The following FAM168A variants were observed in gnomAD, a reference collection of about 807,000 sequenced individuals.
FAM168A encodes the protein family with sequence similarity 168 member A, also known as protein FAM168A.
A neutral mutation model predicts 28.5 loss-of-function variants in FAM168A; 3 were observed. That is an observed-to-expected ratio of 0.11 (90% CI 0.05 to 0.27). The LOEUF (loss-of-function observed/expected upper bound fraction) is 0.27, where lower values mean the gene tolerates loss of function less well. Among genes scored for constraint, FAM168A ranks in the 10% least tolerant of loss-of-function variants. The probability of loss-of-function intolerance (pLI) is 1.00; values close to 1 mark genes in which losing one functional copy is unlikely to be tolerated. For synonymous variants in FAM168A, 122 were observed against 124.2 expected (o/e 0.98, Z 0.12); for missense variants, 222 against 311.5 (o/e 0.71, Z 2.16).
chr11:73,534,603 ATGT>A (rs1031330878), intron 1 of FAM168A, among the ~76,000 whole-genome samples: 24 of 152,018 alleles, frequency 1.6e-4, no homozygotes, highest in African/African-American at 5.5e-4. Flanking sequence ...GGGTTTCGTC[ATGT>A]TGGCCAGGCT....
intron 1 of FAM168A, among the ~76,000 whole-genome samples, chr11:73,470,123 G>A (rs1322791274): frequency 2.0e-5 from 3 of 152,062 alleles, no homozygotes; most frequent in Non-Finnish European, 4.4e-5. Flanking sequence ...TGTTAGCCAG[G>A]ATGGTCTCGA....
At chr11:73,413,169 T>A (rs1866642724) in intron 4 of FAM168A, among the ~76,000 whole-genome samples, 2 of 152,236 alleles carry the variant, frequency 1.3e-5, no homozygotes, top group South Asian at 4.1e-4. Flanking sequence ...AGCACCCCCC[T>A]GCCCCTGATG....
chr11:73,590,827 TACTACCTGTCTAAATAGGTTGAAG>T (rs1456053210), intron 1 of FAM168A, among the ~76,000 whole-genome samples: 2 of 152,170 alleles, frequency 1.3e-5, no homozygotes, highest in East Asian at 3.9e-4. Flanking sequence ...AGTAGCCAGA[TACTACCTGTCTAAATAGGTTGAAG>T]ACTACTGATT....
At chr11:73,413,405 C>G (rs979888639) in intron 4 of FAM168A, among the ~76,000 whole-genome samples, 1 of 152,160 alleles carries the variant, frequency 6.6e-6, no homozygotes, top group African/African-American at 2.4e-5. Flanking sequence ...CAACTATGAG[C>G]TGAGTGAGAA....
At chr11:73,552,229 T>C (rs1943838267) in intron 1 of FAM168A, among the ~76,000 whole-genome samples, 1 of 152,212 alleles carries the variant, frequency 6.6e-6, no homozygotes, top group Non-Finnish European at 1.5e-5. Context: ...CATTTCTTAA[T>C]CTTCCTTAGA....
At chr11:73,590,986 TACAA>T (rs1488497577) in intron 1 of FAM168A, among the ~76,000 whole-genome samples, 5 of 152,082 alleles carry the variant, frequency 3.3e-5, no homozygotes, top group Admixed American at 6.5e-5. Context: ...CTACCAAAAA[TACAA>T]ACAATTAGCC....
At chr11:73,437,588 C>T (rs902615476) in intron 2 of FAM168A, among the ~76,000 whole-genome samples, 1 of 151,950 alleles carries the variant, frequency 6.6e-6, no homozygotes, top group Non-Finnish European at 1.5e-5. Flanking sequence ...AAAGCACCGA[C>T]TGGAGAGCTC....
chr11:73,587,307 A>G (rs1944326638), intron 1 of FAM168A, among the ~76,000 whole-genome samples: 2 of 152,118 alleles, frequency 1.3e-5, no homozygotes, highest in Admixed American at 6.6e-5. Flanking sequence ...CCTGGCTAAC[A>G]TGGCAAAAAC....
chr11:73,591,694 G>A (rs1944383788), intron 1 of FAM168A, among the ~76,000 whole-genome samples: 1 of 152,068 alleles, frequency 6.6e-6, no homozygotes, highest in South Asian at 2.1e-4. Flanking sequence ...GTTTTTTGTA[G>A]AGACTGGATC....
intron 1 of FAM168A, among the ~76,000 whole-genome samples, chr11:73,578,794 T>C (rs1376330895): frequency 6.6e-6 from 1 of 152,232 alleles, no homozygotes; most frequent in Admixed American, 6.5e-5. Context: ...CACACAAACC[T>C]GGATTGAATC....
chr11:73,426,273 A>T (rs1167312691), intron 3 of FAM168A, among the ~76,000 whole-genome samples: 1 of 152,222 alleles, frequency 6.6e-6, no homozygotes, highest in Non-Finnish European at 1.5e-5. Context: ...TTGTGGGGCC[A>T]AAGAGTTCTT....
chr11:73,587,499 A>AC (rs1459955981), intron 1 of FAM168A, among the ~76,000 whole-genome samples: 3 of 152,076 alleles, frequency 2.0e-5, no homozygotes, highest in African/African-American at 4.8e-5. Flanking sequence ...CTCAAAAAAA[A>AC]AAAAAAAGGA....
intron 1 of FAM168A, among the ~76,000 whole-genome samples, chr11:73,493,192 C>CA (rs1260668326): frequency 6.6e-6 from 1 of 150,744 alleles, no homozygotes; most frequent in Admixed American, 6.6e-5. Context: ...AAAAAAATCA[C>CA]AAAGTGAAAA....
intron 3 of FAM168A, among the ~76,000 whole-genome samples, chr11:73,426,657 C>CTG (rs1327011640): frequency 4.1e-4 from 61 of 150,084 alleles, no homozygotes; most frequent in Middle Eastern, 3.4e-3. Context: ...CCAAAATATG[C>CTG]TGTGTGTGTG....
At chr11:73,525,962 A>G (rs532436673) in intron 1 of FAM168A, among the ~76,000 whole-genome samples, 2 of 152,342 alleles carry the variant, frequency 1.3e-5, no homozygotes, top group Admixed American at 1.3e-4. Flanking sequence ...TTTCTTGGAA[A>G]ACTCAGAAAA....
intron 1 of FAM168A, among the ~76,000 whole-genome samples, chr11:73,571,015 T>C (rs1944079932): frequency 6.6e-6 from 1 of 152,086 alleles, no homozygotes; most frequent in African/African-American, 2.4e-5. Flanking sequence ...GAACAACAAC[T>C]ATTCTACTGT....
At chr11:73,552,627 G>T (rs1464860173) in intron 1 of FAM168A, among the ~76,000 whole-genome samples, 2 of 152,162 alleles carry the variant, frequency 1.3e-5, no homozygotes, top group Non-Finnish European at 2.9e-5. Flanking sequence ...TGGCACGAAA[G>T]AGGTACTCAA....
intron 1 of FAM168A, among the ~76,000 whole-genome samples, chr11:73,542,346 C>A (rs909200393): frequency 6.6e-6 from 1 of 152,198 alleles, no homozygotes; most frequent in African/African-American, 2.4e-5. Context: ...TGTTTCCCAA[C>A]TCTATAAGTG....
intron 2 of FAM168A, among the ~76,000 whole-genome samples, chr11:73,461,808 TA>T (rs1225011614): frequency 6.6e-6 from 1 of 152,146 alleles, no homozygotes; most frequent in East Asian, 1.9e-4. Flanking sequence ...AGAGGCAACT[TA>T]ATCCCAGAAA....
Sources: gnomAD v4.1 joint callset for allele counts (sites outside exome capture counted in the v4.1 genomes callset) on GRCh38, gnomAD v4.1.1 for gene constraint, MANE v1.5 for transcripts, NCBI Gene and HGNC (gene_info 2026-07-23, HGNC 2026-07-21) for gene names.